The following RASGRF2 variants were observed in gnomAD, a reference collection of about 807,000 sequenced individuals.
RASGRF2 encodes the protein Ras protein specific guanine nucleotide releasing factor 2.
In RASGRF2, 76 loss-of-function variants were observed where a neutral mutation model predicts 151.0. The ratio of observed to expected loss-of-function variants is 0.50; its 90% CI spans 0.42 to 0.61. The LOEUF is 0.61. Ranked by LOEUF, RASGRF2 falls within the 20% of genes least tolerant of loss-of-function variation. The pLI is 0.00. For missense variants in RASGRF2, 1,148 were observed against 1,564.6 expected (o/e 0.73, Z 4.49); for synonymous variants, 504 against 566.5 (o/e 0.89, Z 1.57).
chr5:81,099,389 G>A (rs1462582137), intron 12 of RASGRF2, among the ~76,000 whole-genome samples: 4 of 152,274 alleles, frequency 2.6e-5, no homozygotes, highest in Non-Finnish European at 5.9e-5. Context: ...AGCGTTGAGT[G>A]TATGAGCTGT....
chr5:81,088,966 TC>T (rs151207585), intron 9 of RASGRF2, among the ~76,000 whole-genome samples: 20,608 of 152,220 alleles, frequency 0.14, 1,826 homozygotes, highest in Middle Eastern at 0.29. Flanking sequence ...GATATTATTA[TC>T]ATGTTGATGT....
intron 1 of RASGRF2, among the ~76,000 whole-genome samples, chr5:80,985,678 G>A (rs368820045): frequency 3.3e-5 from 5 of 152,192 alleles, no homozygotes; most frequent in African/African-American, 1.2e-4. Flanking sequence ...GTGATCGCCA[G>A]TGACTTTCCC....
At chr5:81,141,701 A>G (rs1394956678) in intron 17 of RASGRF2, among the ~76,000 whole-genome samples, 2 of 152,144 alleles carry the variant, frequency 1.3e-5, no homozygotes, top group African/African-American at 4.8e-5. Context: ...GTATCCACCT[A>G]GCATTCCCCT....
At chr5:80,988,008 C>CAT (rs1748528127) in intron 1 of RASGRF2, among the ~76,000 whole-genome samples, 2 of 139,494 alleles carry the variant, frequency 1.4e-5, no homozygotes, top group South Asian at 2.5e-4. Context: ...AATAAATGTG[C>CAT]GTGTGTGTGT....
chr5:81,175,575 G>C (rs1754755494), intron 17 of RASGRF2, among the ~76,000 whole-genome samples: 1 of 152,030 alleles, frequency 6.6e-6, no homozygotes, highest in Non-Finnish European at 1.5e-5. Flanking sequence ...CCAACATGGA[G>C]AAACCCCGTC....
intron 1 of RASGRF2, among the ~76,000 whole-genome samples, chr5:81,029,314 A>G (rs973801943): frequency 1.3e-5 from 2 of 152,190 alleles, no homozygotes; most frequent in African/African-American, 4.8e-5. Context: ...TTCTCCCAGC[A>G]CACAGGTTGA....
chr5:80,977,449 T>TTTTATTTA lies in RASGRF2; in HGVS notation c.288+16446_288+16453dup, dbSNP rs56140758. Among the ~76,000 whole-genome samples the TTTTATTTA allele has an allele frequency of 2.6e-3, 384 of 150,296 alleles. 3 individuals carry two copies. The highest frequency in any genetic ancestry group is 0.018 in the South Asian group (84 of 4,764). On this transcript the variant is annotated intron_variant, in intron 1 of 26. Coordinates refer to ENST00000265080, the MANE Select transcript of RASGRF2 (RefSeq NM_006909.3). The stretch of plus-strand genomic sequence containing the variant: ...TGTAAACTATAAAATGCTACCAAAA[T>TTTTATTTA]TTTATTTATTTATTTATTTATTTAT...
At chr5:81,141,353 T>C (rs1753881192) in intron 17 of RASGRF2, among the ~76,000 whole-genome samples, 1 of 152,208 alleles carries the variant, frequency 6.6e-6, no homozygotes, top group African/African-American at 2.4e-5. Flanking sequence ...GGTAATCTTA[T>C]CTCAAAGGTC....
intron 9 of RASGRF2, among the ~76,000 whole-genome samples, chr5:81,091,616 C>T (rs1182779559): frequency 6.6e-6 from 1 of 152,072 alleles, no homozygotes. Flanking sequence ...ATGCAATTTG[C>T]AACATTCATA....
Position 81,206,891 on chromosome 5 carries a change from G to A in RASGRF2, c.2953G>A (p.Asp985Asn), listed in dbSNP as rs758191836. The change falls in exon 20 of 27, where the codon GAT becomes AAT. Residue 985 changes from aspartate to asparagine, a missense_variant. Asp to Asn is a conservative substitution (Grantham distance 23). This residue lies in a region of RASGRF2 where 646 missense variants were observed against 807.4 expected (regional missense o/e 0.80). Transcript: ENST00000265080. ...AGATGACATCCACCTAAAATTAGAGGATATAATTCAAATGGTAAGTCTGAC... is the reference window on the plus strand; with the variant it reads ...AGATGACATCCACCTAAAATTAGAGAATATAATTCAAATGGTAAGTCTGAC... ...DQDDIHLKLE[D>N]IIQMTDCMKA... 6.2e-7 allele frequency: 1 copy of A among 1,608,488 alleles called. No individual in the cohort carries two copies. Among genetic ancestry groups the A allele is most frequent in the Admixed American group, 1.7e-5 (1 of 60,018 alleles).
intron 17 of RASGRF2, among the ~76,000 whole-genome samples, chr5:81,157,313 G>A (rs1454369060): frequency 5.4e-5 from 8 of 148,302 alleles, no homozygotes; most frequent in African/African-American, 1.0e-4. Flanking sequence ...CCGAGATCGC[G>A]CCACTGCACT....
chr5:81,085,246 G>C (rs1752195601), intron 7 of RASGRF2, among the ~76,000 whole-genome samples: 1 of 151,632 alleles, frequency 6.6e-6, no homozygotes, highest in Admixed American at 6.6e-5. Flanking sequence ...ACAGAATTCA[G>C]ATAGTCTGTT....
chr5:81,001,227 G>A (rs1162100076), intron 1 of RASGRF2, among the ~76,000 whole-genome samples: 1 of 152,140 alleles, frequency 6.6e-6, no homozygotes. Context: ...TTAGATTTAC[G>A]AATGAAGCTA....
chr5:81,192,537 C>T (rs910457484), intron 18 of RASGRF2, among the ~76,000 whole-genome samples: 4 of 152,332 alleles, frequency 2.6e-5, no homozygotes, highest in Non-Finnish European at 4.4e-5. Context: ...CCCAAGGTGG[C>T]GCCGACGCAG....
At chr5:81,146,882 T>C (rs1452639784) in intron 17 of RASGRF2, among the ~76,000 whole-genome samples, 3 of 152,240 alleles carry the variant, frequency 2.0e-5, no homozygotes, top group Non-Finnish European at 4.4e-5. Flanking sequence ...CAAGCTTACT[T>C]GATTTTTAAA....
At chr5:81,204,962 T>A (rs1236967488) in intron 19 of RASGRF2, among the ~76,000 whole-genome samples, 1 of 152,198 alleles carries the variant, frequency 6.6e-6, no homozygotes, top group Non-Finnish European at 1.5e-5. Context: ...CTGGTACACA[T>A]AATTATGGAG....
intron 12 of RASGRF2, among the ~76,000 whole-genome samples, chr5:81,107,875 T>C (rs1208256797): frequency 6.6e-6 from 1 of 152,274 alleles, no homozygotes; most frequent in Non-Finnish European, 1.5e-5. Context: ...TTCTACTTAC[T>C]TGCCACAAGT....
intron 12 of RASGRF2, 103 bp from the exon 13 acceptor site, chr5:81,108,891 GGA>G: frequency 1.0e-6 from 1 of 990,354 alleles, no homozygotes; most frequent in Non-Finnish European, 1.4e-6. Flanking sequence ...TAAGAGACAG[GGA>G]GAGAGAAATT....
chr5:81,066,598 A>G (rs1392916459), intron 2 of RASGRF2, among the ~76,000 whole-genome samples: 1 of 152,186 alleles, frequency 6.6e-6, no homozygotes, highest in East Asian at 1.9e-4. Context: ...TTTCTGTCTC[A>G]GACTTTCTGT....
Sources: allele counts gnomAD v4.1 joint callset (sites outside exome capture counted in the v4.1 genomes callset), GRCh38; gene constraint gnomAD v4.1.1; regional missense constraint gnomAD v4.1.1; transcripts MANE v1.5; gene names NCBI Gene and HGNC (gene_info 2026-07-23, HGNC 2026-07-21).